HTR3E: variants seen among roughly 807,000 people sequenced by gnomAD.
HTR3E encodes 5-hydroxytryptamine (serotonin) receptor 3, family member E.
HTR3E carries 38 observed loss-of-function variants against 38.0 expected under a neutral mutation model. That is an observed-to-expected ratio of 1.00 (90% confidence interval 0.77 to 1.31). The LOEUF is 1.31. Ranked by LOEUF, HTR3E falls within the 50% of genes most tolerant of loss-of-function variation. The pLI is 0.00. For synonymous variants in HTR3E, 210 were observed against 232.9 expected (o/e 0.90, Z 0.89); for missense variants, 547 against 585.2 (o/e 0.93, Z 0.67).
chr3:184,099,082 T>A (rs1466524630), intron 1 of HTR3E, among the ~76,000 whole-genome samples: 1 of 150,190 alleles, frequency 6.7e-6, no homozygotes, highest in Admixed American at 6.7e-5. Flanking sequence ...TAAAAAAAAA[T>A]CCCACCCACA....
chr3:184,106,791 A>G lies in HTR3E; in HGVS notation c.*98A>G. Reference sequence around the variant, plus strand: ...CCTGAGTACCAACTATCATATCCCCAAAGATGACTGAGTCTCTGCTGTATT... The same window carrying G: ...CCTGAGTACCAACTATCATATCCCCGAAGATGACTGAGTCTCTGCTGTATT... On this transcript the variant is annotated 3_prime_UTR_variant, in exon 9 of 9. Transcript: ENST00000415389. The surrounding 1 kb of genome is among the most constrained non-coding windows in gnomAD (Gnocchi z 4.1). The G allele has an allele frequency of 1.7e-6, 2 of 1,200,830 alleles. No homozygotes were observed. Among genetic ancestry groups the G allele is most frequent in the Non-Finnish European group, 2.4e-6 (2 of 833,606 alleles). The allele number at this position is 1,200,830 out of a possible 1,614,324, so 74.4% of individuals were successfully genotyped here.
At position 184,105,861 on chromosome 3, in the gene HTR3E, G is replaced by A. The variant is rs141739439; in HGVS notation, c.817G>A (p.Val273Met). 6.2e-7 allele frequency: 1 copy of A among 1,614,160 alleles called. No individual in the cohort carries two copies. Among genetic ancestry groups the A allele is most frequent in the South Asian group, 1.1e-5 (1 of 91,068 alleles). The stretch of plus-strand genomic sequence containing the variant: ...CGATGCCCTCAGCTTCTACCTGCCA[G>A]TGAAAAGTGGGAATCGTGTCCCATT... ...AIDALSFYLP[V>M]KSGNRVPFKI... Residue 273 changes from valine (V) to methionine (M), a missense_variant, in exon 7 of 9, where the codon GTG becomes ATG. Physicochemically the swap from Val to Met is conservative, Grantham distance 21 (BLOSUM62 1). Transcript: ENST00000415389.
chr3:184,102,631 A>C (rs190086497), intron 3 of HTR3E, among the ~76,000 whole-genome samples: 1 of 141,386 alleles, frequency 7.1e-6, no homozygotes, highest in Non-Finnish European at 1.5e-5. Flanking sequence ...AAAGTATATA[A>C]AAAAAAAAAA....
chr3:184,098,830 G>A (rs1156994279), intron 1 of HTR3E, among the ~76,000 whole-genome samples: 2 of 151,826 alleles, frequency 1.3e-5, no homozygotes, highest in Non-Finnish European at 2.9e-5. Context: ...GATCACCTGA[G>A]GTCAAGAGTT....
At chr3:184,098,741 T>C (rs1711797246) in intron 1 of HTR3E, among the ~76,000 whole-genome samples, 1 of 152,184 alleles carries the variant, frequency 6.6e-6, no homozygotes, top group South Asian at 2.1e-4. Flanking sequence ...TAAAAATTTA[T>C]TAGTTAGAAG....
rs565321002 is a variant in HTR3E, at chr3:184,106,509, C to A, written c.1187C>A (p.Ala396Glu). The A allele has an allele frequency of 6.2e-7, 1 of 1,611,056 alleles. No homozygotes were observed. ...TCAGCAGGGCAGATGCCGGGCCCTG[C>A]GGAGGCAGAGCTGACAGGGGGCTCA... is the stretch of plus-strand genomic sequence containing the variant. ...EVSAGQMPGP[A>E]EAELTGGSEW... Residue 396 changes from alanine to glutamate, a missense_variant, in exon 9 of 9, where the codon GCG (alanine) becomes GAG (glutamate). Ala to Glu is a moderately radical substitution (Grantham distance 107). Transcript: ENST00000415389. The surrounding 1 kb of genome is among the most constrained non-coding windows in gnomAD (Gnocchi z 4.1).
intron 6 of HTR3E, 26 bp from the exon 7 acceptor site, chr3:184,105,739 C>T (rs1220005635): frequency 6.3e-7 from 1 of 1,576,370 alleles, no homozygotes; most frequent in South Asian, 1.1e-5. Flanking sequence ...CCCATAACTA[C>T]TTACCACCCT....
At position 184,102,767 on chromosome 3, in the gene HTR3E, T is replaced by C. The variant is rs150636351; in HGVS notation, c.279+1238T>C. Among the ~76,000 whole-genome samples the C allele has an allele frequency of 4.7e-3, 703 of 150,962 alleles. 1 individual carries two copies. Among genetic ancestry groups the C allele is most frequent in the Admixed American group, 7.5e-3 (114 of 15,164 alleles). Reference sequence around the variant, plus strand: ...TGGTGAAACACCGTCTCTACTAAAATACAAAAAATTAGCCAGGCATGGTGA... The same window carrying C: ...TGGTGAAACACCGTCTCTACTAAAACACAAAAAATTAGCCAGGCATGGTGA... On this transcript the variant is annotated intron_variant, in intron 3 of 8. Transcript: ENST00000415389.
rs73044203 is a variant in HTR3E, at chr3:184,098,418, A to C, written c.67+822A>C. The stretch of plus-strand genomic sequence containing the variant: ...AACTGTCATCTCTCCTCGTTAGATT[A>C]TTCCATGACTTTGGATAAGGAGGCA... On this transcript the variant is annotated intron_variant, in intron 1 of 8. Transcript: ENST00000415389. Among the ~76,000 whole-genome samples, 597 of 152,328 alleles carry C rather than the reference A, an allele frequency of 3.9e-3. 6 individuals carry two copies. The highest frequency in any genetic ancestry group is 0.014 in the African/African-American group (562 of 41,590).
intron 1 of HTR3E, among the ~76,000 whole-genome samples, chr3:184,098,961 T>C (rs1318669501): frequency 6.6e-6 from 1 of 151,972 alleles, no homozygotes; most frequent in African/African-American, 2.4e-5. Context: ...AAGAATCGGT[T>C]GAACCTGGGA....
chr3:184,105,107 A>C (rs775001974), intron 5 of HTR3E, 151 bp downstream of exon 5: 122 of 1,152,176 alleles, frequency 1.1e-4, no homozygotes, highest in Non-Finnish European at 1.4e-4. Context: ...GCAGAACCCA[A>C]GTCTGTCTTG....
intron 6 of HTR3E, 139 bp from the exon 7 acceptor site, chr3:184,105,626 C>T: frequency 1.1e-6 from 1 of 921,060 alleles, no homozygotes; most frequent in South Asian, 1.6e-5. Context: ...GATTCTAAAG[C>T]TGCATTCCCC....
chr3:184,098,427 C>T (rs1050306107), intron 1 of HTR3E, among the ~76,000 whole-genome samples: 5 of 152,144 alleles, frequency 3.3e-5, no homozygotes, highest in Admixed American at 6.6e-5. Flanking sequence ...TATTCCATGA[C>T]TTTGGATAAG....
intron 2 of HTR3E, 112 bp from the exon 3 acceptor site, chr3:184,101,373 T>C: frequency 1.1e-6 from 1 of 899,254 alleles, no homozygotes. Flanking sequence ...TTGTTCTGGA[T>C]CACATATCCC....
Position 184,103,831 on chromosome 3 carries a change from GA to G in HTR3E, c.280-344del, listed in dbSNP as rs569050454. Among the ~76,000 whole-genome samples the G allele has an allele frequency of 2.9e-3, 445 of 151,238 alleles. 1 individual carries two copies. Among genetic ancestry groups the G allele is most frequent in the Non-Finnish European group, 4.1e-3 (281 of 67,776 alleles). On this transcript the variant is annotated intron_variant, in intron 3 of 8. Transcript: ENST00000415389. ...AAAGAAAGAAAAAGAAAAGAAAAAA[GA>G]AAAAAAGAAAAGCCTGCTTGGAGGA...
rs1251412073 is a variant in HTR3E, at chr3:184,104,988, G to A, written c.559+32G>A. ...TGCAGTGAGGTCTCAGGGATGGGGTGAATGAGAGCAACCAACAAATATAAA... is the reference window on the plus strand; with the variant it reads ...TGCAGTGAGGTCTCAGGGATGGGGTAAATGAGAGCAACCAACAAATATAAA... On this transcript the variant is annotated intron_variant, in intron 5 of 8. Transcript: ENST00000415389. 5 of 1,578,366 alleles carry A rather than the reference G, an allele frequency of 3.2e-6. 1 individual carries two copies. The highest frequency in any genetic ancestry group is 4.3e-6 in the Non-Finnish European group (5 of 1,160,926).
chr3:184,100,538 G>T lies in HTR3E; in HGVS notation c.121G>T (p.Asp41Tyr), dbSNP rs1471911401. The T allele has an allele frequency of 6.2e-7, 1 of 1,614,128 alleles. No homozygotes were observed. Among genetic ancestry groups the T allele is most frequent in the Admixed American group, 1.7e-5 (1 of 60,016 alleles). The change falls in exon 2 of 9, where the codon GAT (aspartate) becomes TAT (tyrosine). Residue 41 changes from aspartate (D) to tyrosine (Y), a missense_variant. Physicochemically the swap from Asp to Tyr is radical, Grantham distance 160 (BLOSUM62 -3). Coordinates refer to ENST00000415389, the MANE Select transcript of HTR3E (RefSeq NM_001256613.2). ...CTCAGGGTTTGGCCAGCACGGGGCG[G>T]ATCCCACTGCTCTGAATTCAGTGTT... ...NCSGFGQHGA[D>Y]PTALNSVFNR... is the part of the protein sequence containing the mutation.
Position 184,106,276 on chromosome 3 carries a change from G to T in HTR3E, c.1074G>T (p.Gly358=), listed in dbSNP as rs144218201. The change falls in exon 8 of 9, where the codon GGG becomes GGT. Residue 358 remains glycine, a synonymous_variant. Transcript: ENST00000415389. The surrounding 1 kb of genome is among the most constrained non-coding windows in gnomAD (Gnocchi z 4.1). ...TGCTGCTCCACTGCAACAGCCCGGG[G>T]AGATGCTGTCCCACTGCGCCCCAGA... The part of the protein sequence containing the change: ...HSLLLHCNSP[G]RCCPTAPQKE... The T allele has an allele frequency of 1.1e-4, 173 of 1,613,290 alleles. No homozygotes were observed. In the African/African-American group the frequency reaches 2.1e-3, roughly 20 times the overall value.
Position 184,106,072 on chromosome 3 carries a change from A to G in HTR3E, c.926-56A>G. On this transcript the variant is annotated intron_variant, in intron 7 of 8. Coordinates refer to ENST00000415389, the MANE Select transcript of HTR3E (RefSeq NM_001256613.2). This position sits in a 1 kb window ranked among gnomAD's most constrained non-coding sequence, Gnocchi z 4.1. ...GTATGCCTGCCAGGGTGGGATTGGA[A>G]GAGAAGAAATTCTAGGTGGTGCCTC... 1 of 1,597,258 alleles carries G rather than the reference A, an allele frequency of 6.3e-7. No homozygotes were observed.
Sources: gnomAD v4.1 joint callset for allele counts (sites outside exome capture counted in the v4.1 genomes callset) on GRCh38, gnomAD v4.1.1 for gene constraint, Gnocchi (gnomAD v3.1) non-coding constraint, MANE v1.5 for transcripts, NCBI Gene and HGNC (gene_info 2026-07-23, HGNC 2026-07-21) for gene names.